The following CD200R1 variants were observed in gnomAD, a reference collection of about 807,000 sequenced individuals.
CD200R1 encodes the protein CD200 receptor 1.
A neutral mutation model predicts 38.1 loss-of-function variants in CD200R1; 30 were observed. That is an observed-to-expected ratio of 0.79 (90% confidence interval 0.59 to 1.07). The LOEUF is 1.07. Among genes scored for constraint, CD200R1 ranks in the 50% least tolerant of loss-of-function variants. The probability of loss-of-function intolerance (pLI) is 0.00; values close to 1 mark genes in which losing one functional copy is unlikely to be tolerated. For missense variants in CD200R1, 372 were observed against 415.4 expected (o/e 0.90, Z 0.91); for synonymous variants, 128 against 152.1 (o/e 0.84, Z 1.16).
intron 2 of CD200R1, among the ~76,000 whole-genome samples, chr3:112,934,436 A>G (rs1940528495): frequency 6.6e-6 from 1 of 152,354 alleles, no homozygotes. Context: ...AAAAAAATCA[A>G]TAAAATGACA....
chr3:112,974,922 G>T lies in CD200R1; in HGVS notation c.-65C>A. The T allele has an allele frequency of 7.7e-7, 1 of 1,296,884 alleles. No individual in the cohort carries two copies. Among genetic ancestry groups the T allele is most frequent in the Non-Finnish European group, 1.1e-6 (1 of 896,584 alleles). 80.3% of individuals were successfully genotyped at this position (1,296,884 alleles called of 1,614,324 possible). A position where few individuals can be genotyped will look rare whatever the true frequency, so the allele number is the denominator to read the frequency against. On this transcript the variant is annotated 5_prime_UTR_variant, in exon 1 of 8. Transcript: ENST00000308611. The stretch of plus-strand genomic sequence containing the variant: ...CCTCCACACAGGTACAGAAGGAACT[G>T]TGCGCATGGTGAGACCCTCTCTGGT...
At chr3:112,939,100 A>C (rs1049868022) in intron 2 of CD200R1, among the ~76,000 whole-genome samples, 6 of 152,024 alleles carry the variant, frequency 3.9e-5, no homozygotes, top group Non-Finnish European at 8.8e-5. Context: ...ACTTTCAATA[A>C]ATTAGGTACA....
intron 1 of CD200R1, among the ~76,000 whole-genome samples, chr3:112,958,778 T>A (rs1449104273): frequency 6.6e-6 from 1 of 152,160 alleles, no homozygotes. Flanking sequence ...TAATGTTTTT[T>A]AAAAAATACT....
At chr3:112,935,773 A>G (rs1227939921) in intron 2 of CD200R1, among the ~76,000 whole-genome samples, 1 of 152,188 alleles carries the variant, frequency 6.6e-6, no homozygotes, top group Admixed American at 6.5e-5. Context: ...AAAAACCAAC[A>G]ACAAAAAAGT....
At chr3:112,956,351 G>GT (rs887460454) in intron 1 of CD200R1, among the ~76,000 whole-genome samples, 18 of 149,724 alleles carry the variant, frequency 1.2e-4, no homozygotes, top group South Asian at 6.4e-4. Context: ...AGGATTTCTG[G>GT]TTTTTTTTTA....
intron 2 of CD200R1, among the ~76,000 whole-genome samples, chr3:112,937,082 C>T (rs1213276374): frequency 5.3e-5 from 8 of 152,174 alleles, no homozygotes; most frequent in African/African-American, 1.7e-4. Context: ...TTAATTGACT[C>T]ATAGTTCAGC....
chr3:112,936,940 G>A (rs1202254066), intron 2 of CD200R1, among the ~76,000 whole-genome samples: 1 of 152,004 alleles, frequency 6.6e-6, no homozygotes, highest in African/African-American at 2.4e-5. Context: ...TTAGAGTTTG[G>A]GGTTTTACGT....
intron 5 of CD200R1, among the ~76,000 whole-genome samples, chr3:112,925,801 ATATC>A (rs1490940676): frequency 6.6e-6 from 1 of 152,162 alleles, no homozygotes; most frequent in East Asian, 1.9e-4. Context: ...ATTTATATCC[ATATC>A]TATCTATATA....
intron 1 of CD200R1, among the ~76,000 whole-genome samples, chr3:112,970,112 A>G (rs555232385): frequency 6.6e-6 from 1 of 152,296 alleles, no homozygotes; most frequent in South Asian, 2.1e-4. Flanking sequence ...TGGGAGGTCA[A>G]GGCTGCAGTA....
At chr3:112,954,180 G>T (rs1941033887) in intron 1 of CD200R1, among the ~76,000 whole-genome samples, 1 of 151,676 alleles carries the variant, frequency 6.6e-6, no homozygotes, top group African/African-American at 2.4e-5. Context: ...AATTTTATTG[G>T]CCAATTGGTT....
intron 1 of CD200R1, among the ~76,000 whole-genome samples, chr3:112,968,311 C>A (rs1332014647): frequency 6.6e-6 from 1 of 152,058 alleles, no homozygotes; most frequent in Non-Finnish European, 1.5e-5. Context: ...ACAATATAAC[C>A]ACTAAGTCAA....
intron 1 of CD200R1, among the ~76,000 whole-genome samples, chr3:112,950,461 AT>A (rs1940952318): frequency 6.6e-6 from 1 of 152,098 alleles, no homozygotes; most frequent in African/African-American, 2.4e-5. Context: ...AAGTATCAAT[AT>A]CAACTTAAGA....
intron 1 of CD200R1, among the ~76,000 whole-genome samples, chr3:112,969,363 C>A (rs1439229245): frequency 6.6e-6 from 1 of 152,048 alleles, no homozygotes. Context: ...ACCTACACTA[C>A]TAGAAACAAT....
chr3:112,924,490 C>T lies in CD200R1; in HGVS notation c.924G>A (p.Glu308=). 1 of 1,336,960 alleles carries T rather than the reference C, an allele frequency of 7.5e-7. No individual in the cohort carries two copies. The highest frequency in any genetic ancestry group is 2.7e-5 in the East Asian group (1 of 36,394). 82.8% of individuals were successfully genotyped at this position (1,336,960 alleles called of 1,614,324 possible). Residue 308 remains glutamate, a splice_region_variant and synonymous_variant, in exon 7 of 8, where the codon GAG becomes GAA. Transcript: ENST00000308611. ...NKTESTPVVE[E]DEMQPYASYT... Reference sequence around the variant, plus strand: ...ATTAGTCTTTTTTATCTTATCTTACCTCCTCAACAACTGGAGTAGATTCTG... The same window carrying T: ...ATTAGTCTTTTTTATCTTATCTTACTTCCTCAACAACTGGAGTAGATTCTG...
At chr3:112,963,728 C>G (rs1490980475) in intron 1 of CD200R1, among the ~76,000 whole-genome samples, 1 of 152,098 alleles carries the variant, frequency 6.6e-6, no homozygotes, top group Non-Finnish European at 1.5e-5. Flanking sequence ...ATCCCACTTT[C>G]TGAGGAGAAA....
chr3:112,939,848 C>G (rs994739182), intron 2 of CD200R1, among the ~76,000 whole-genome samples: 1 of 132,748 alleles, frequency 7.5e-6, no homozygotes, highest in Non-Finnish European at 1.6e-5. Context: ...AAAGCCCATA[C>G]TGAGCAAAAA....
rs776411555 is a variant in CD200R1 at position 112,929,381 on chromosome 3, G to T, written c.329C>A (p.Ala110Asp). 2.5e-6 allele frequency: 4 copies of T among 1,613,878 alleles called. No homozygotes were observed. The East Asian group carries it at 8.9e-5, about 36-fold the overall frequency. ...ILRGQPSCTKAYKKETNETKE... is the reference protein window; with the variant it reads ...ILRGQPSCTKDYKKETNETKE... ...GGTCTCATTTGTTTCTTTCTTGTAG[G>T]CTTTTGTGCAGGAAGGCTGGCCTCT... The change falls in exon 4 of 8, where the codon GCC (alanine) becomes GAC (aspartate). Residue 110 changes from alanine (A) to aspartate (D), a missense_variant. Ala to Asp is a moderately radical substitution (Grantham distance 126). Coordinates refer to ENST00000308611, the MANE Select transcript of CD200R1 (RefSeq NM_138806.4).
At chr3:112,942,363 C>A (rs1182472464) in intron 2 of CD200R1, among the ~76,000 whole-genome samples, 2 of 151,320 alleles carry the variant, frequency 1.3e-5, no homozygotes, top group African/African-American at 4.8e-5. Context: ...TTCACACTAC[C>A]CATGAAACAG....
At chr3:112,945,982 A>G (rs924607409) in intron 2 of CD200R1, among the ~76,000 whole-genome samples, 1 of 149,316 alleles carries the variant, frequency 6.7e-6, no homozygotes, top group Non-Finnish European at 1.5e-5. Context: ...GCAGTGAGCC[A>G]AGATCGCGCC....
Sources: gnomAD v4.1 joint callset for allele counts (sites outside exome capture counted in the v4.1 genomes callset) on GRCh38, gnomAD v4.1.1 for gene constraint, MANE v1.5 for transcripts, NCBI Gene and HGNC (gene_info 2026-07-23, HGNC 2026-07-21) for gene names.